Variants in AKAP6 observed in about 807,000 individuals in gnomAD.
The protein encoded by AKAP6 is A-kinase anchor protein 6.
Under a neutral mutation model 188.5 loss-of-function variants are expected in AKAP6, and 58 were observed. The ratio of observed to expected loss-of-function variants is 0.31; its 90% confidence interval spans 0.25 to 0.38. The LOEUF is 0.38. Ranked by LOEUF, AKAP6 falls within the 10% of genes least tolerant of loss-of-function variation. AKAP6 has a pLI of 1.00. For synonymous variants in AKAP6, 989 were observed against 998.6 expected (o/e 0.99, Z 0.18); for missense variants, 2,710 against 2,740.0 (o/e 0.99, Z 0.24).
intron 9 of AKAP6, among the ~76,000 whole-genome samples, chr14:32,721,141 A>T (rs1464863461): frequency 6.6e-6 from 1 of 152,230 alleles, no homozygotes. Flanking sequence ...CATCATAATG[A>T]AACCATAATT....
At chr14:32,494,095 C>A (rs1347066649) in intron 2 of AKAP6, among the ~76,000 whole-genome samples, 1 of 152,188 alleles carries the variant, frequency 6.6e-6, no homozygotes, top group African/African-American at 2.4e-5. Context: ...GCTATCCATT[C>A]ACGACAGATT....
At chr14:32,811,171 G>A (rs1049332218) in intron 12 of AKAP6, among the ~76,000 whole-genome samples, 4 of 147,308 alleles carry the variant, frequency 2.7e-5, no homozygotes, top group South Asian at 2.2e-4. Context: ...CCCGGGAGGC[G>A]CAGCTTGCAG....
At chr14:32,711,372 C>T (rs1181079800) in intron 9 of AKAP6, among the ~76,000 whole-genome samples, 2 of 152,044 alleles carry the variant, frequency 1.3e-5, no homozygotes, top group East Asian at 1.9e-4. Flanking sequence ...TGCTCACAGG[C>T]ACTTCTCTGG....
At chr14:32,390,368 T>C (rs1888670488) in intron 1 of AKAP6, among the ~76,000 whole-genome samples, 1 of 152,208 alleles carries the variant, frequency 6.6e-6, no homozygotes, top group Non-Finnish European at 1.5e-5. Flanking sequence ...GATTTCTTTT[T>C]GATTTGGGTC....
intron 9 of AKAP6, 109 bp from the exon 10 acceptor site, chr14:32,732,345 T>C (rs1169947345): frequency 8.6e-6 from 11 of 1,271,902 alleles, no homozygotes; most frequent in East Asian, 2.4e-5. Flanking sequence ...ATAAATTTTA[T>C]TGGGAACAAA....
At chr14:32,678,228 C>A in intron 7 of AKAP6, 83 bp from the exon 8 acceptor site, 1 of 1,411,012 alleles carries the variant, frequency 7.1e-7, no homozygotes, top group Non-Finnish European at 9.6e-7. Context: ...GTGAAGAATT[C>A]CCATTCTTTG....
chr14:32,404,691 G>GATATATATATATATATATAGATATAT (rs1889220282), intron 1 of AKAP6, among the ~76,000 whole-genome samples: 1 of 44,438 alleles, frequency 2.3e-5, no homozygotes, highest in Non-Finnish European at 4.6e-5. Context: ...GGAGTCAGGA[G>GATATATATATATATATATAGATATAT]ATATATATAT....
chr14:32,348,417 C>CTTTCT (rs143146533), intron 1 of AKAP6, among the ~76,000 whole-genome samples: 1 of 126,168 alleles, frequency 7.9e-6, no homozygotes, highest in Non-Finnish European at 1.6e-5. Context: ...TCTTTTGTTT[C>CTTTCT]TTTTTTTTTT....
rs375233792 is a variant in AKAP6, at chr14:32,428,342, A to T, written c.-34-5118A>T. Among the ~76,000 whole-genome samples the T allele has an allele frequency of 5.3e-5, 8 of 152,216 alleles. No homozygotes were observed. In the East Asian group the frequency reaches 1.2e-3, roughly 22 times the overall value. ...GACTGCACAATCCTGGAGCTTATACATTAGCTTCCAAATAGGGACTGCATA... is the reference window on the plus strand; with the variant it reads ...GACTGCACAATCCTGGAGCTTATACTTTAGCTTCCAAATAGGGACTGCATA... On this transcript the variant is annotated intron_variant, in intron 1 of 13. Coordinates refer to ENST00000280979, the MANE Select transcript of AKAP6 (RefSeq NM_004274.5).
chr14:32,815,217 G>T (rs1365778090), intron 12 of AKAP6, among the ~76,000 whole-genome samples: 1 of 152,134 alleles, frequency 6.6e-6, no homozygotes, highest in Non-Finnish European at 1.5e-5. Context: ...GATGACTTTG[G>T]ATTTTACTTG....
intron 7 of AKAP6, among the ~76,000 whole-genome samples, chr14:32,671,493 AT>A (rs34330213): frequency 0.01 from 1,500 of 146,576 alleles, 17 homozygotes; most frequent in Admixed American, 0.031. Context: ...TTTTCTCTCT[AT>A]TTTTTTTTTT....
rs758242851 is a variant in AKAP6 at position 32,545,721 on chromosome 14, A to C, written c.1068A>C (p.Ala356=). 9 of 1,614,184 alleles carry C rather than the reference A, an allele frequency of 5.6e-6. No individual in the cohort carries two copies. In the South Asian group the frequency reaches 9.9e-5, roughly 18 times the overall value. Residue 356 remains alanine, a synonymous_variant, in exon 4 of 14, where the codon GCA becomes GCC. Coordinates refer to ENST00000280979, the MANE Select transcript of AKAP6 (RefSeq NM_004274.5). The stretch of plus-strand genomic sequence containing the variant: ...CCAGTTCCTCCTCCCATCATGATGC[A>C]AAGAATCAGCAGCCTGTTCCTTGTG... ...QESSSSSHHD[A]KNQQPVPCEN...
In AKAP6 at chr14:32,384,756, G is replaced by C. The variant is rs373551450; in HGVS notation, c.-34-48704G>C. ...AACAAAGTCCACATTATTGTTACTTGTTTTGGTTTTAGGGGGCATGATTGT... is the reference window on the plus strand; with the variant it reads ...AACAAAGTCCACATTATTGTTACTTCTTTTGGTTTTAGGGGGCATGATTGT... On this transcript the variant is annotated intron_variant, in intron 1 of 13. Transcript: ENST00000280979. Among the ~76,000 whole-genome samples the C allele has an allele frequency of 2.6e-5, 4 of 152,230 alleles. No individual in the cohort carries two copies. The East Asian group carries it at 5.8e-4, about 22-fold the overall frequency.
At chr14:32,418,253 A>C (rs1236705602) in intron 1 of AKAP6, among the ~76,000 whole-genome samples, 1 of 152,342 alleles carries the variant, frequency 6.6e-6, no homozygotes, top group African/African-American at 2.4e-5. Flanking sequence ...ATTAAAAAGC[A>C]TAGGGGACAA....
intron 9 of AKAP6, among the ~76,000 whole-genome samples, chr14:32,721,735 G>T (rs115905379): frequency 6.6e-6 from 1 of 152,252 alleles, no homozygotes; most frequent in South Asian, 2.1e-4. Context: ...TTGTTCTAGC[G>T]AGTGACAGCT....
rs1454619398 is a variant in AKAP6 at position 32,821,903 on chromosome 14, A to G, written c.4090A>G (p.Ser1364Gly). 6.2e-7 allele frequency: 1 copy of G among 1,613,942 alleles called. No individual in the cohort carries two copies. Residue 1364 changes from serine to glycine, a missense_variant, in exon 13 of 14, where the codon AGT becomes GGT. Around this residue, in one of 2 missense-constraint regions of AKAP6, gnomAD observed 2,473 missense variants for 2,426.1 expected, o/e 1.02. Transcript: ENST00000280979. ...GDMSQNSGSE[S>G]GIVSEGDTET... ...CATGAGCCAGAATTCAGGCAGTGAG[A>G]GTGGAATTGTCAGTGAAGGAGACAC...
intron 7 of AKAP6, among the ~76,000 whole-genome samples, chr14:32,604,990 A>G (rs893709150): frequency 4.6e-5 from 7 of 152,060 alleles, no homozygotes; most frequent in African/African-American, 1.7e-4. Flanking sequence ...CCCCTCACTG[A>G]CAGGCCCCAG....
intron 7 of AKAP6, among the ~76,000 whole-genome samples, chr14:32,640,001 T>G (rs958896219): frequency 6.6e-6 from 1 of 152,058 alleles, no homozygotes; most frequent in Non-Finnish European, 1.5e-5. Context: ...TTAATATATT[T>G]TACCTTAATA....
chr14:32,347,604 T>G (rs939142043), intron 1 of AKAP6, among the ~76,000 whole-genome samples: 1 of 152,216 alleles, frequency 6.6e-6, no homozygotes, highest in Admixed American at 6.5e-5. Flanking sequence ...AAGCTTATGA[T>G]CTATGATTTG....
Sources: allele counts gnomAD v4.1 joint callset (sites outside exome capture counted in the v4.1 genomes callset), GRCh38; gene constraint gnomAD v4.1.1; regional missense constraint gnomAD v4.1.1; transcripts MANE v1.5; gene names NCBI Gene and HGNC (gene_info 2026-07-23, HGNC 2026-07-21).